Variants in PTPRD observed in about 807,000 individuals in gnomAD.
The protein encoded by PTPRD is receptor-type tyrosine-protein phosphatase delta.
Under a neutral mutation model 214.5 loss-of-function variants are expected in PTPRD, and 34 were observed. That is an observed-to-expected ratio of 0.16 (90% confidence interval 0.12 to 0.21). The LOEUF (loss-of-function observed/expected upper bound fraction) is 0.21. Among genes scored for constraint, PTPRD ranks in the 10% least tolerant of loss-of-function variants. PTPRD has a pLI of 1.00. For synonymous variants in PTPRD, 1,128 were observed against 845.7 expected (o/e 1.33, Z -5.79); for missense variants, 2,545 against 2,398.7 (o/e 1.06, Z -1.27).
intron 9 of PTPRD, among the ~76,000 whole-genome samples, chr9:9,341,231 C>T (rs1302726182): frequency 6.6e-6 from 1 of 152,022 alleles, no homozygotes; most frequent in Non-Finnish European, 1.5e-5. Flanking sequence ...AGCCTTTCTT[C>T]CTTTCAGCTG....
intron 10 of PTPRD, among the ~76,000 whole-genome samples, chr9:9,135,989 A>G (rs1231150593): frequency 6.6e-6 from 1 of 151,936 alleles, no homozygotes; most frequent in Non-Finnish European, 1.5e-5. Context: ...TAAATTATAT[A>G]CATGCACATG....
chr9:9,275,824 T>C (rs1487372220), intron 9 of PTPRD, among the ~76,000 whole-genome samples: 4 of 145,772 alleles, frequency 2.7e-5, no homozygotes, highest in African/African-American at 9.9e-5. Context: ...AACAGCTGTG[T>C]GTGTGTGTAT....
chr9:10,601,440 T>C (rs1342877287), intron 2 of PTPRD, among the ~76,000 whole-genome samples: 1 of 151,904 alleles, frequency 6.6e-6, no homozygotes, highest in East Asian at 1.9e-4. Context: ...TGTCTTACAG[T>C]TGCAAATTTT....
chr9:10,314,267 AAGC>A (rs776633823), intron 3 of PTPRD, among the ~76,000 whole-genome samples: 31,479 of 151,702 alleles, frequency 0.21, 3,288 homozygotes, highest in South Asian at 0.3. Context: ...ACAGGAGAAA[AAGC>A]CTCCAACCAG....
intron 8 of PTPRD, among the ~76,000 whole-genome samples, chr9:9,483,298 A>G (rs111736105): frequency 1.0e-3 from 156 of 152,296 alleles, no homozygotes; most frequent in African/African-American, 3.2e-3. Context: ...TAGTAATTTC[A>G]TACAGCAAGT....
At chr9:9,308,839 A>G (rs1055040979) in intron 9 of PTPRD, among the ~76,000 whole-genome samples, 3 of 152,282 alleles carry the variant, frequency 2.0e-5, no homozygotes, top group Non-Finnish European at 4.4e-5. Flanking sequence ...CAAAATTTTC[A>G]AACACTGTGA....
chr9:8,824,867 T>C (rs1566386644), intron 11 of PTPRD, among the ~76,000 whole-genome samples: 1 of 152,218 alleles, frequency 6.6e-6, no homozygotes. Flanking sequence ...AAGTATAGTA[T>C]AGTTCTTGAA....
intron 5 of PTPRD, among the ~76,000 whole-genome samples, chr9:9,861,037 TA>T (rs1329939242): frequency 6.6e-6 from 1 of 152,158 alleles, no homozygotes; most frequent in Non-Finnish European, 1.5e-5. Context: ...ATTAGGCAAT[TA>T]TTTTTTAAAA....
chr9:9,418,466 A>G (rs1641369098), intron 8 of PTPRD, among the ~76,000 whole-genome samples: 1 of 151,990 alleles, frequency 6.6e-6, no homozygotes, highest in African/African-American at 2.4e-5. Context: ...TCAGTGAGAG[A>G]CATTCATTAA....
At chr9:10,274,609 C>A (rs1319488513) in intron 3 of PTPRD, among the ~76,000 whole-genome samples, 1 of 152,182 alleles carries the variant, frequency 6.6e-6, no homozygotes, top group Non-Finnish European at 1.5e-5. Flanking sequence ...CACCACCTTT[C>A]ACAAACTTTG....
At chr9:8,945,037 T>A (rs929291645) in intron 11 of PTPRD, among the ~76,000 whole-genome samples, 42 of 152,074 alleles carry the variant, frequency 2.8e-4, no homozygotes, top group African/African-American at 9.9e-4. Context: ...GTACTTACTA[T>A]GTACTCATGA....
intron 8 of PTPRD, among the ~76,000 whole-genome samples, chr9:9,433,219 G>C (rs1331743974): frequency 6.6e-6 from 1 of 152,088 alleles, no homozygotes; most frequent in Admixed American, 6.6e-5. Context: ...TGAAGGACTC[G>C]AGATGCCGAT....
At chr9:9,607,452 A>C (rs1009786425) in intron 7 of PTPRD, among the ~76,000 whole-genome samples, 1 of 152,214 alleles carries the variant, frequency 6.6e-6, no homozygotes, top group Non-Finnish European at 1.5e-5. Flanking sequence ...TGTGTTCTAC[A>C]AATAAGGAAA....
chr9:10,550,860 A>G (rs1340214700), intron 2 of PTPRD, among the ~76,000 whole-genome samples: 1 of 152,200 alleles, frequency 6.6e-6, no homozygotes, highest in Non-Finnish European at 1.5e-5. Flanking sequence ...CTCTCTTTCT[A>G]AATGTTATTC....
chr9:10,258,629 C>T (rs888160003), intron 3 of PTPRD, among the ~76,000 whole-genome samples: 9 of 152,172 alleles, frequency 5.9e-5, no homozygotes, highest in African/African-American at 2.2e-4. Context: ...ACTGCTGTAT[C>T]TTTATCTGTA....
intron 11 of PTPRD, among the ~76,000 whole-genome samples, chr9:8,901,482 C>T (rs759201601): frequency 6.6e-6 from 1 of 152,208 alleles, no homozygotes; most frequent in African/African-American, 2.4e-5. Context: ...ACAACAGCAG[C>T]ATGCGATAAG....
chr9:8,764,252 A>C (rs1221306405), intron 11 of PTPRD, among the ~76,000 whole-genome samples: 1 of 152,152 alleles, frequency 6.6e-6, no homozygotes, highest in Non-Finnish European at 1.5e-5. Flanking sequence ...GATGTGAGCC[A>C]TATGTTTCAT....
intron 31 of PTPRD, 62 bp downstream of exon 31, chr9:8,470,933 G>T: frequency 2.1e-6 from 3 of 1,455,770 alleles, no homozygotes; most frequent in South Asian, 2.3e-5. Context: ...CCAAGGGAGG[G>T]GGGCGGAAAT....
rs188941597 is a variant in PTPRD at position 10,234,055 on chromosome 9, C to A, written c.-545+106908G>T. Among the ~76,000 whole-genome samples the A allele has an allele frequency of 6.0e-3, 914 of 151,654 alleles. 3 individuals carry two copies. Among genetic ancestry groups the A allele is most frequent in the Non-Finnish European group, 8.9e-3 (601 of 67,866 alleles). ...TTCACCTTAGGTCAGGAATTCGAGA[C>A]CAGCCTGGCCAACATGGTGAAACCC... On this transcript the variant is annotated intron_variant, in intron 3 of 45. Coordinates refer to ENST00000381196, the MANE Select transcript of PTPRD (RefSeq NM_002839.4).
Sources: gnomAD v4.1 joint callset for allele counts (sites outside exome capture counted in the v4.1 genomes callset) on GRCh38, gnomAD v4.1.1 for gene constraint, MANE v1.5 for transcripts, NCBI Gene and HGNC (gene_info 2026-07-23, HGNC 2026-07-21) for gene names.